The following WIF1 variants were observed in gnomAD, a reference collection of about 807,000 sequenced individuals.
WIF1 encodes the protein Wnt inhibitory factor 1.
A neutral mutation model predicts 53.5 loss-of-function variants in WIF1; 35 were observed. The ratio of observed to expected loss-of-function variants is 0.65; its 90% CI spans 0.50 to 0.87. The LOEUF (loss-of-function observed/expected upper bound fraction) is 0.87, where lower values mean the gene tolerates loss of function less well. WIF1 is among the 40% of genes least tolerant of loss of function. WIF1 has a pLI of 0.00. For synonymous variants in WIF1, 171 were observed against 170.4 expected, an observed-to-expected ratio of 1.00 and a Z score of -0.03; for missense variants, 467 against 476.8, an observed-to-expected ratio of 0.98 and a Z score of 0.19.
chr12:65,098,130 A>C (rs1177677005), intron 2 of WIF1, among the ~76,000 whole-genome samples: 1 of 152,220 alleles, frequency 6.6e-6, no homozygotes, highest in Admixed American at 6.5e-5. Context: ...ATTTATGAAC[A>C]CAGACTTTTA....
chr12:65,074,310 G>A (rs1298255887), intron 3 of WIF1, among the ~76,000 whole-genome samples: 3 of 151,822 alleles, frequency 2.0e-5, no homozygotes, highest in South Asian at 2.1e-4. Context: ...ATTCAAAGAC[G>A]CAAGATTTAC....
In WIF1 at chr12:65,056,028, T is replaced by TAAGA. The variant is rs1363125243; in HGVS notation, c.922+2_922+3insTCTT. On this transcript the variant is annotated splice_region_variant and intron_variant, in intron 8 of 9. Coordinates refer to ENST00000286574, the MANE Select transcript of WIF1 (RefSeq NM_007191.5). ...AGATTGGCAATGTGTATGGGGTACT[T>TAAGA]ACGCTTTGAACAGAGGTCTCCCTGG... The TAAGA allele has an allele frequency of 6.2e-7, 1 of 1,613,654 alleles. No individual in the cohort carries two copies. The highest frequency in any genetic ancestry group is 8.5e-7 in the Non-Finnish European group (1 of 1,179,790).
intron 2 of WIF1, among the ~76,000 whole-genome samples, chr12:65,084,729 C>CG (rs1883009279): frequency 6.6e-6 from 1 of 152,134 alleles, no homozygotes. Context: ...TGAGAGGCAT[C>CG]CAGAAGTGTA....
At chr12:65,051,503 A>T (rs1565746485) in intron 9 of WIF1, 33 bp from the exon 10 acceptor site, 1 of 1,543,802 alleles carries the variant, frequency 6.5e-7, no homozygotes, top group African/African-American at 1.4e-5. Flanking sequence ...AAAGGAAAGA[A>T]ACTACAAAAC....
chr12:65,053,422 G>T (rs560204600), intron 9 of WIF1, among the ~76,000 whole-genome samples: 11 of 152,216 alleles, frequency 7.2e-5, no homozygotes, highest in African/African-American at 1.9e-4. Context: ...TGAATCATGG[G>T]GCTGGTTCCC....
intron 6 of WIF1, among the ~76,000 whole-genome samples, chr12:65,062,934 A>G (rs1266296645): frequency 6.6e-6 from 1 of 152,180 alleles, no homozygotes; most frequent in Non-Finnish European, 1.5e-5. Flanking sequence ...ACATCAGTTT[A>G]GAGGATAAGA....
intron 6 of WIF1, among the ~76,000 whole-genome samples, 172 bp downstream of exon 6, chr12:65,066,469 T>C (rs1054500747): frequency 2.6e-5 from 4 of 152,090 alleles, no homozygotes; most frequent in Non-Finnish European, 5.9e-5. Context: ...GAAAATAAAC[T>C]TTTGCTATTA....
At chr12:65,061,844 G>A (rs972013778) in intron 7 of WIF1, among the ~76,000 whole-genome samples, 11 of 152,212 alleles carry the variant, frequency 7.2e-5, no homozygotes, top group Admixed American at 3.9e-4. Flanking sequence ...TGTGATTCTC[G>A]TTTCTACTGT....
Position 65,062,568 on chromosome 12 carries a change from A to G in WIF1, c.739T>C (p.Ser247Pro), listed in dbSNP as rs531145438. ...GTCCCTCCATTAAAGCAGGTGGTTG[A>G]GCAGTTTGCTGTTAGAATGAGTAAC... is the stretch of plus-strand genomic sequence containing the variant. Reference protein sequence around the residue: ...YGVNCDKANCSTTCFNGGTCF... With the variant: ...YGVNCDKANCPTTCFNGGTCF... Residue 247 changes from serine to proline, a missense_variant, in exon 7 of 10, where the codon TCA (serine) becomes CCA (proline). Ser to Pro is a moderately conservative substitution (Grantham distance 74). Transcript: ENST00000286574. The G allele has an allele frequency of 6.2e-6, 10 of 1,606,108 alleles. No homozygotes were observed. The South Asian group carries it at 1.1e-4, about 18-fold the overall frequency.
At chr12:65,053,508 A>G (rs1882474656) in intron 9 of WIF1, among the ~76,000 whole-genome samples, 1 of 152,090 alleles carries the variant, frequency 6.6e-6, no homozygotes, top group African/African-American at 2.4e-5. Flanking sequence ...AGCTCCTTCT[A>G]TGGTCATTCT....
At chr12:65,074,232 G>A (rs1161745575) in intron 3 of WIF1, among the ~76,000 whole-genome samples, 1 of 151,204 alleles carries the variant, frequency 6.6e-6, no homozygotes, top group Non-Finnish European at 1.5e-5. Context: ...TGCACATTAT[G>A]CAGGTTAGTT....
At chr12:65,083,892 G>A in intron 2 of WIF1, 1 of 274,560 alleles carries the variant, frequency 3.6e-6, no homozygotes, top group Non-Finnish European at 6.9e-6. Flanking sequence ...AGGCTGGGAT[G>A]CAGTAGCACG....
chr12:65,066,838 G>A, intron 5 of WIF1, 102 bp from the exon 6 acceptor site: 1 of 689,648 alleles, frequency 1.5e-6, no homozygotes, highest in Non-Finnish European at 2.2e-6. Flanking sequence ...CAAGCTTTGT[G>A]GTTGACTCTA....
chr12:65,070,313 A>T lies in WIF1; in HGVS notation c.398-1409T>A, dbSNP rs145215946. Among the ~76,000 whole-genome samples, 18 of 152,346 alleles carry T rather than the reference A, an allele frequency of 1.2e-4. No homozygotes were observed. The East Asian group carries it at 3.1e-3, about 26-fold the overall frequency. ...TCATTATGATGAAAAGGAAACACAG[A>T]TATTTTAACAGAAATAAAAAGAAAA... On this transcript the variant is annotated intron_variant, in intron 3 of 9. Transcript: ENST00000286574.
intron 2 of WIF1, among the ~76,000 whole-genome samples, chr12:65,118,285 A>G (rs1883542504): frequency 6.6e-6 from 1 of 152,266 alleles, no homozygotes. Flanking sequence ...CTTTCAAAAT[A>G]CTAATTGGTA....
chr12:65,058,764 C>T (rs1196165086), intron 7 of WIF1, among the ~76,000 whole-genome samples: 1 of 152,038 alleles, frequency 6.6e-6, no homozygotes, highest in Non-Finnish European at 1.5e-5. Context: ...AGAGACTAAG[C>T]CCTGGCTGGG....
intron 7 of WIF1, 75 bp downstream of exon 7, chr12:65,062,406 T>A (rs1882626454): frequency 3.1e-6 from 4 of 1,280,208 alleles, no homozygotes; most frequent in Admixed American, 2.3e-5. Context: ...CGACTCCTCC[T>A]TGATAAAATG....
Position 65,051,135 on chromosome 12 carries a change from G to T in WIF1, c.*214C>A. ...GACATAATATAAAATCTGTCCCAAA[G>T]CACTGAAACAAGAAAATCTATACCA... On this transcript the variant is annotated 3_prime_UTR_variant, in exon 10 of 10. Transcript: ENST00000286574. 2.1e-6 allele frequency: 1 copy of T among 473,330 alleles called. No homozygotes were observed. The highest frequency in any genetic ancestry group is 3.4e-6 in the Non-Finnish European group (1 of 290,880). 29.3% of individuals were successfully genotyped at this position (473,330 alleles called of 1,614,324 possible). A position where few individuals can be genotyped will look rare whatever the true frequency, so the allele number is the denominator to read the frequency against.
At chr12:65,117,944 C>T (rs1175925199) in intron 2 of WIF1, among the ~76,000 whole-genome samples, 2 of 152,162 alleles carry the variant, frequency 1.3e-5, no homozygotes, top group Non-Finnish European at 1.5e-5. Context: ...TGCTGTGCTC[C>T]CCAGTTCCCA....
Sources: allele counts gnomAD v4.1 joint callset (sites outside exome capture counted in the v4.1 genomes callset), GRCh38; gene constraint gnomAD v4.1.1; transcripts MANE v1.5; gene names NCBI Gene and HGNC (gene_info 2026-07-23, HGNC 2026-07-21).